The following ANO10 variants were observed in gnomAD, a reference collection of about 807,000 sequenced individuals.
The protein encoded by ANO10 is anoctamin 10.
ANO10 carries 77 observed loss-of-function variants against 74.7 expected under a neutral mutation model. The ratio of observed to expected loss-of-function variants is 1.03; its 90% CI spans 0.86 to 1.25. ANO10 has a LOEUF of 1.25. Ranked by LOEUF, ANO10 falls within the 50% of genes most tolerant of loss-of-function variation. The pLI, the probability that ANO10 is intolerant of heterozygous loss-of-function variation, is 0.00. For missense variants in ANO10, 721 were observed against 778.1 expected (o/e 0.93, Z 0.87); for synonymous variants, 279 against 284.9 (o/e 0.98, Z 0.21).
chr3:43,564,592 A>G (rs1052340217), intron 8 of ANO10, among the ~76,000 whole-genome samples: 14 of 152,158 alleles, frequency 9.2e-5, no homozygotes, highest in Non-Finnish European at 2.1e-4. Context: ...ATCATTAAAA[A>G]TTCTTTTTTA....
chr3:43,690,939 G>C (rs1270009305), intron 1 of ANO10: 2 of 1,537,144 alleles, frequency 1.3e-6, no homozygotes, highest in Non-Finnish European at 1.7e-6. Context: ...GGGCGGCCCA[G>C]TCGGCCTGTC....
chr3:43,515,977 C>G (rs1440633727), intron 11 of ANO10, among the ~76,000 whole-genome samples: 1 of 152,166 alleles, frequency 6.6e-6, no homozygotes, highest in Non-Finnish European at 1.5e-5. Context: ...TCTCCTGGTT[C>G]TCAAAACGAC....
intron 12 of ANO10, among the ~76,000 whole-genome samples, chr3:43,386,640 G>GTGT: frequency 1.5e-5 from 2 of 132,438 alleles, no homozygotes; most frequent in South Asian, 5.0e-4. Flanking sequence ...GTTGTGTGTA[G>GTGT]GTGTGTACGT....
intron 1 of ANO10, among the ~76,000 whole-genome samples, chr3:43,633,830 T>C (rs2149560139): frequency 6.6e-6 from 1 of 151,642 alleles, no homozygotes; most frequent in Non-Finnish European, 1.5e-5. Context: ...ACTCCTCAAG[T>C]CCCATGGGAA....
At chr3:43,678,708 C>T (rs2084155081) in intron 1 of ANO10, among the ~76,000 whole-genome samples, 1 of 152,202 alleles carries the variant, frequency 6.6e-6, no homozygotes, top group Non-Finnish European at 1.5e-5. Flanking sequence ...GAATAAACCC[C>T]TTCCTTCTTT....
intron 4 of ANO10, among the ~76,000 whole-genome samples, chr3:43,598,237 G>A (rs2082178602): frequency 6.6e-6 from 1 of 152,166 alleles, no homozygotes; most frequent in East Asian, 1.9e-4. Context: ...CATGTACAAT[G>A]TTAGGGCATA....
intron 11 of ANO10, among the ~76,000 whole-genome samples, chr3:43,473,742 G>A (rs1009490872): frequency 2.6e-5 from 4 of 152,162 alleles, no homozygotes; most frequent in African/African-American, 9.7e-5. Flanking sequence ...TGCCCTGGAC[G>A]TCATAGGATG....
intron 1 of ANO10, 144 bp from the exon 2 acceptor site, chr3:43,606,007 G>T (rs372489389): frequency 1.2e-6 from 1 of 856,826 alleles, no homozygotes; most frequent in Non-Finnish European, 1.8e-6. Context: ...TGGGTTATAT[G>T]ACAGACTCAA....
intron 12 of ANO10, among the ~76,000 whole-genome samples, chr3:43,418,268 C>T (rs1411517626): frequency 6.6e-6 from 1 of 152,202 alleles, no homozygotes. Context: ...CAGGGCGAGA[C>T]TGTCTCAAAA....
At position 43,621,928 on chromosome 3, in the gene ANO10, C is replaced by G. The variant is rs533146042; in HGVS notation, c.-31G>C. 3.6e-3 allele frequency: 549 copies of G among 152,684 alleles called. 1 individual carries two copies. Among genetic ancestry groups the G allele is most frequent in the Non-Finnish European group, 5.8e-3 (399 of 68,338 alleles). 9.5% of individuals were successfully genotyped at this position (152,684 alleles called of 1,614,324 possible). The stretch of plus-strand genomic sequence containing the variant: ...ACTCACCAGCCGCCGCAGCGCTCCA[C>G]GTCTTCGGAGGCGGGTCCGAGAGCC... On this transcript the variant is annotated 5_prime_UTR_variant, in exon 1 of 13. Coordinates refer to ENST00000292246, the MANE Select transcript of ANO10 (RefSeq NM_018075.5).
At chr3:43,528,790 C>A (rs1281862468) in intron 11 of ANO10, among the ~76,000 whole-genome samples, 3 of 152,000 alleles carry the variant, frequency 2.0e-5, no homozygotes, top group Non-Finnish European at 4.4e-5. Flanking sequence ...AAAACCCCAT[C>A]TCTACAAAAA....
intron 11 of ANO10, among the ~76,000 whole-genome samples, chr3:43,547,846 G>A (rs2079268574): frequency 6.6e-6 from 1 of 152,158 alleles, no homozygotes; most frequent in South Asian, 2.1e-4. Flanking sequence ...GTAATATATT[G>A]AGCCAGCCAG....
rs376624913 is a variant in ANO10 at position 43,503,956 on chromosome 3, C to T, written c.1797+45764G>A. Reference sequence around the variant, plus strand: ...AAGCTTTCAGTCTTGTTATATAACACCTTGTTATATAAAGTGTTGGGGATT... The same window carrying T: ...AAGCTTTCAGTCTTGTTATATAACATCTTGTTATATAAAGTGTTGGGGATT... On this transcript the variant is annotated intron_variant, in intron 11 of 12. Coordinates refer to ENST00000292246, the MANE Select transcript of ANO10 (RefSeq NM_018075.5). Among the ~76,000 whole-genome samples the T allele has an allele frequency of 2.8e-4, 42 of 151,970 alleles. No homozygotes were observed. In the East Asian group the frequency reaches 7.9e-3, roughly 29 times the overall value.
chr3:43,466,188 T>TGGTGAAACCCTGTC (rs934558989), intron 11 of ANO10, among the ~76,000 whole-genome samples: 1 of 151,746 alleles, frequency 6.6e-6, no homozygotes, highest in African/African-American at 2.4e-5. Flanking sequence ...CCGGCCAACA[T>TGGTGAAACCCTGTC]GGTGAAACCC....
chr3:43,604,894 G>A (rs1400410958), intron 2 of ANO10, among the ~76,000 whole-genome samples: 1 of 151,876 alleles, frequency 6.6e-6, no homozygotes. Flanking sequence ...TGGTTCAACT[G>A]TTTGAAAAAA....
chr3:43,600,725 A>C (rs2082304605), intron 2 of ANO10, 144 bp from the exon 3 acceptor site: 1 of 732,484 alleles, frequency 1.4e-6, no homozygotes, highest in Non-Finnish European at 2.3e-6. Context: ...CAAGTAAATA[A>C]CATAAGTACA....
At chr3:43,437,916 C>CTT (rs1034764063) in intron 11 of ANO10, among the ~76,000 whole-genome samples, 5 of 146,242 alleles carry the variant, frequency 3.4e-5, no homozygotes, top group African/African-American at 1.3e-4. Context: ...CAAAGAAACA[C>CTT]AATAATTCTT....
intron 11 of ANO10, among the ~76,000 whole-genome samples, chr3:43,519,038 T>C (rs1006778932): frequency 7.9e-5 from 12 of 152,130 alleles, no homozygotes; most frequent in Non-Finnish European, 1.2e-4. Flanking sequence ...TCAGGGGGCA[T>C]CATGGAACCT....
At chr3:43,489,951 G>C (rs772617401) in intron 11 of ANO10, among the ~76,000 whole-genome samples, 1 of 152,084 alleles carries the variant, frequency 6.6e-6, no homozygotes, top group Non-Finnish European at 1.5e-5. Context: ...GAAGTATTCT[G>C]TTATAACGAA....
Sources: gnomAD v4.1 joint callset for allele counts (sites outside exome capture counted in the v4.1 genomes callset) on GRCh38, gnomAD v4.1.1 for gene constraint, MANE v1.5 for transcripts, NCBI Gene and HGNC (gene_info 2026-07-23, HGNC 2026-07-21) for gene names.